The following NINL variants were observed in gnomAD, a reference collection of about 807,000 sequenced individuals.
The protein encoded by NINL is ninein like.
A neutral mutation model predicts 160.3 loss-of-function variants in NINL; 153 were observed. The observed-to-expected ratio is 0.95, with a 90% CI of 0.84 to 1.09. The LOEUF (loss-of-function observed/expected upper bound fraction) is 1.09. Among genes scored for constraint, NINL ranks in the 50% least tolerant of loss-of-function variants. The probability of loss-of-function intolerance (pLI) is 0.00; values close to 1 mark genes in which losing one functional copy is unlikely to be tolerated. For missense variants in NINL, 1,829 were observed against 1,764.0 expected (o/e 1.04, Z -0.66); for synonymous variants, 800 against 734.8 (o/e 1.09, Z -1.43).
At chr20:25,539,936 G>A (rs568757879) in intron 1 of NINL, 30 of 810,294 alleles carry the variant, frequency 3.7e-5, no homozygotes, top group Admixed American at 5.0e-5. Flanking sequence ...ACACCCCTGC[G>A]GGTTCCCGGG....
At chr20:25,454,928 A>T (rs2090629789) in intron 23 of NINL, among the ~76,000 whole-genome samples, 1 of 151,978 alleles carries the variant, frequency 6.6e-6, no homozygotes, top group African/African-American at 2.4e-5. Flanking sequence ...TTTACTTAAA[A>T]TCTCCCTATG....
At chr20:25,508,929 A>C (rs1326225104) in intron 5 of NINL, among the ~76,000 whole-genome samples, 2 of 152,130 alleles carry the variant, frequency 1.3e-5, no homozygotes, top group African/African-American at 2.4e-5. Flanking sequence ...CCCTGTTCTA[A>C]CTTTGCCCCT....
At chr20:25,512,288 G>A (rs746372483) in intron 4 of NINL, among the ~76,000 whole-genome samples, 67 of 152,290 alleles carry the variant, frequency 4.4e-4, no homozygotes, top group Non-Finnish European at 8.1e-4. Flanking sequence ...TCCTAACCTC[G>A]AGGCTGTTTC....
intron 2 of NINL, among the ~76,000 whole-genome samples, chr20:25,520,734 C>G (rs1215542897): frequency 1.3e-5 from 2 of 152,232 alleles, no homozygotes; most frequent in African/African-American, 2.4e-5. Context: ...CTGACTTCTA[C>G]TGTTGCATTA....
chr20:25,504,258 G>A (rs978191213), intron 6 of NINL, among the ~76,000 whole-genome samples, 154 bp from the exon 7 acceptor site: 1 of 152,104 alleles, frequency 6.6e-6, no homozygotes, highest in African/African-American at 2.4e-5. Context: ...AGACCATGCG[G>A]GCTATATTTT....
intron 1 of NINL, among the ~76,000 whole-genome samples, chr20:25,577,000 C>A (rs920977944): frequency 1.3e-5 from 2 of 152,218 alleles, no homozygotes; most frequent in African/African-American, 4.8e-5. Flanking sequence ...CTGCAAACAT[C>A]CTGCTTGACA....
intron 1 of NINL, among the ~76,000 whole-genome samples, chr20:25,542,933 G>C (rs1452254085): frequency 6.6e-6 from 1 of 151,058 alleles, no homozygotes; most frequent in Non-Finnish European, 1.5e-5. Context: ...CCAGCTACTT[G>C]GGAGGCCAAG....
intron 19 of NINL, among the ~76,000 whole-genome samples, chr20:25,466,572 A>G (rs1472052931): frequency 6.6e-6 from 1 of 151,650 alleles, no homozygotes; most frequent in Non-Finnish European, 1.5e-5. Flanking sequence ...GGCCAAGGCC[A>G]GCGGATAGCT....
At chr20:25,486,845 C>G (rs1198419722) in intron 13 of NINL, among the ~76,000 whole-genome samples, 1 of 152,186 alleles carries the variant, frequency 6.6e-6, no homozygotes, top group African/African-American at 2.4e-5. Context: ...CCCTTAAAAT[C>G]GAACAACAAT....
intron 1 of NINL, among the ~76,000 whole-genome samples, chr20:25,559,070 G>A (rs528534057): frequency 6.6e-6 from 1 of 152,314 alleles, no homozygotes; most frequent in East Asian, 1.9e-4. Flanking sequence ...CAAGAGACTT[G>A]CACAACTTTG....
intron 15 of NINL, among the ~76,000 whole-genome samples, chr20:25,479,811 G>A (rs1434936220): frequency 6.6e-6 from 1 of 152,226 alleles, no homozygotes; most frequent in Non-Finnish European, 1.5e-5. Context: ...GGGGGCAAAT[G>A]CCAGGTCGCT....
intron 5 of NINL, among the ~76,000 whole-genome samples, chr20:25,507,979 AACCTGG>A (rs1215322656): frequency 6.6e-6 from 1 of 152,210 alleles, no homozygotes; most frequent in African/African-American, 2.4e-5. Context: ...AAGGAACCCC[AACCTGG>A]TTGGGGCAGA....
At chr20:25,539,460 A>C (rs942705686) in intron 1 of NINL, among the ~76,000 whole-genome samples, 2 of 152,190 alleles carry the variant, frequency 1.3e-5, no homozygotes, top group Non-Finnish European at 2.9e-5. Flanking sequence ...TATAGGGTGA[A>C]CTAAACACCT....
intron 1 of NINL, among the ~76,000 whole-genome samples, chr20:25,561,227 G>C (rs6037142): frequency 1 from 152,211 of 152,250 alleles, 76,086 homozygotes; most frequent in Middle Eastern, 1. Context: ...TTGGTGGAGA[G>C]GGGGTTTCGC....
chr20:25,543,939 G>A (rs1220951925), intron 1 of NINL, among the ~76,000 whole-genome samples: 1 of 142,918 alleles, frequency 7.0e-6, no homozygotes, highest in Non-Finnish European at 1.5e-5. Flanking sequence ...TTACAGGCGT[G>A]AGCCACCGCG....
intron 17 of NINL, among the ~76,000 whole-genome samples, 161 bp downstream of exon 17, chr20:25,475,882 C>G (rs1568866228): frequency 6.6e-6 from 1 of 152,178 alleles, no homozygotes; most frequent in Non-Finnish European, 1.5e-5. Flanking sequence ...GGGCTGGGCT[C>G]ACAACCCCTA....
chr20:25,460,766 C>T (rs61672495), intron 21 of NINL, among the ~76,000 whole-genome samples: 12,132 of 152,172 alleles, frequency 0.08, 711 homozygotes, highest in South Asian at 0.19. Context: ...CCAGGGCCAG[C>T]GCCGGGGGGG....
intron 2 of NINL, among the ~76,000 whole-genome samples, chr20:25,519,631 T>A (rs1351554721): frequency 6.6e-6 from 1 of 152,134 alleles, no homozygotes; most frequent in African/African-American, 2.4e-5. Context: ...ACAGGCATAG[T>A]CATACAATGA....
chr20:25,489,404 G>T, intron 12 of NINL, 80 bp from the exon 13 acceptor site: 1 of 1,287,216 alleles, frequency 7.8e-7, no homozygotes, highest in Non-Finnish European at 1.1e-6. Flanking sequence ...TGGGCTCCAA[G>T]AACCTGCCCA....
Sources: gnomAD v4.1 joint callset for allele counts (sites outside exome capture counted in the v4.1 genomes callset) on GRCh38, gnomAD v4.1.1 for gene constraint, MANE v1.5 for transcripts, NCBI Gene and HGNC (gene_info 2026-07-23, HGNC 2026-07-21) for gene names.